The following COL19A1 variants were observed in gnomAD, a reference collection of about 807,000 sequenced individuals.
COL19A1 encodes the protein collagen alpha-1(XIX) chain.
In COL19A1, 159 loss-of-function variants were observed where a neutral mutation model predicts 190.2. The ratio of observed to expected loss-of-function variants is 0.84; its 90% CI spans 0.73 to 0.95. The LOEUF is 0.95. COL19A1 is among the 40% of genes least tolerant of loss of function. COL19A1 has a pLI of 0.00. For synonymous variants in COL19A1, 509 were observed against 458.9 expected, an observed-to-expected ratio of 1.11 and a Z score of -1.39; for missense variants, 1,418 against 1,431.9, an observed-to-expected ratio of 0.99 and a Z score of 0.16.
At chr6:69,912,540 G>A (rs1171453440) in intron 4 of COL19A1, among the ~76,000 whole-genome samples, 1 of 152,184 alleles carries the variant, frequency 6.6e-6, no homozygotes, top group Non-Finnish European at 1.5e-5. Flanking sequence ...CCATGCAAAT[G>A]CTACTCTGTG....
At chr6:69,996,008 A>C (rs1776882790) in intron 11 of COL19A1, among the ~76,000 whole-genome samples, 1 of 152,084 alleles carries the variant, frequency 6.6e-6, no homozygotes, top group Non-Finnish European at 1.5e-5. Flanking sequence ...GAGATCAGCT[A>C]TTCAAAAAGC....
intron 46 of COL19A1, among the ~76,000 whole-genome samples, chr6:70,186,973 G>A (rs959777154): frequency 3.3e-5 from 5 of 152,180 alleles, no homozygotes; most frequent in African/African-American, 1.2e-4. Context: ...CGCCTCCCGG[G>A]TTCAAGCGAT....
intron 7 of COL19A1, 141 bp from the exon 8 acceptor site, chr6:69,936,644 A>G (rs569343391): frequency 9.8e-7 from 1 of 1,016,600 alleles, no homozygotes; most frequent in South Asian, 1.7e-5. Context: ...AAACATTCTC[A>G]CACTGGTGTT....
chr6:70,161,213 G>A (rs1467337741), intron 34 of COL19A1, among the ~76,000 whole-genome samples: 1 of 152,090 alleles, frequency 6.6e-6, no homozygotes. Flanking sequence ...AAACTGACAA[G>A]CTAAAATAAA....
At chr6:69,912,526 C>T (rs994303906) in intron 4 of COL19A1, among the ~76,000 whole-genome samples, 2 of 152,148 alleles carry the variant, frequency 1.3e-5, no homozygotes, top group South Asian at 2.1e-4. Context: ...GCTGGGAGCT[C>T]TCTCCATGCA....
At chr6:69,868,406 T>C (rs1308486592) in intron 1 of COL19A1, among the ~76,000 whole-genome samples, 1 of 151,988 alleles carries the variant, frequency 6.6e-6, no homozygotes, top group Non-Finnish European at 1.5e-5. Flanking sequence ...GGTTTTTGTG[T>C]AGGAATATCT....
In COL19A1 at chr6:70,140,975, G is replaced by C. The variant is rs1226347074; in HGVS notation, c.1468G>C (p.Glu490Gln). 1 of 1,609,468 alleles carries C rather than the reference G, an allele frequency of 6.2e-7. No individual in the cohort carries two copies. Among genetic ancestry groups the C allele is most frequent in the Non-Finnish European group, 8.5e-7 (1 of 1,176,914 alleles). The change falls in exon 20 of 51, where the codon GAA (glutamate) becomes CAA (glutamine). Residue 490 changes from glutamate (E) to glutamine (Q), a missense_variant. Coordinates refer to ENST00000620364, the MANE Select transcript of COL19A1 (RefSeq NM_001858.6). ...TTAGGGAGAGCCTTTTACAAAAGGA[G>C]AAAAAGGAGATAGAGTAAGTAGATA... ...GEPGEPFTKG[E>Q]KGDRGEPGVI...
intron 9 of COL19A1, among the ~76,000 whole-genome samples, chr6:69,948,922 TGA>T (rs1337920872): frequency 6.6e-6 from 1 of 151,862 alleles, no homozygotes; most frequent in Non-Finnish European, 1.5e-5. Context: ...AAATGGTGAC[TGA>T]GAGAGTCTTG....
At chr6:70,113,842 C>CTTTTTTTT (rs34876942) in intron 16 of COL19A1, among the ~76,000 whole-genome samples, 9 of 64,150 alleles carry the variant, frequency 1.4e-4, no homozygotes, top group Non-Finnish European at 1.6e-4. Flanking sequence ...CCAAGTCTTT[C>CTTTTTTTT]TTTTTTTTTT....
chr6:69,911,388 T>G (rs564076029), intron 4 of COL19A1, among the ~76,000 whole-genome samples: 13 of 152,276 alleles, frequency 8.5e-5, no homozygotes, highest in African/African-American at 3.1e-4. Flanking sequence ...AAGACACTTT[T>G]TTTTCCCCCA....
chr6:70,180,246 A>T, intron 42 of COL19A1, 66 bp from the exon 43 acceptor site: 1 of 1,576,910 alleles, frequency 6.3e-7, no homozygotes, highest in Middle Eastern at 1.7e-4. Context: ...GGGTTGGGGG[A>T]AGAGAAGCAT....
rs36112821 is a variant in COL19A1 at position 70,207,364 on chromosome 6, CTT to C, written c.*112_*113del. 12,543 of 176,624 alleles carry C rather than the reference CTT, an allele frequency of 0.071. 166 individuals are homozygous for C. The highest frequency in any genetic ancestry group is 0.14 in the African/African-American group (3,442 of 24,594). The allele number at this position is 176,624 out of a possible 1,614,324, so 10.9% of individuals were successfully genotyped here. On this transcript the variant is annotated 3_prime_UTR_variant, in exon 51 of 51. Coordinates refer to ENST00000620364, the MANE Select transcript of COL19A1 (RefSeq NM_001858.6). Reference sequence around the variant, plus strand: ...TCAAACCCTCATCATCTGTGGGTTGCTTTTTTTTTTTTTTTTTTTTTTTGGGA... The same window carrying C: ...TCAAACCCTCATCATCTGTGGGTTGCTTTTTTTTTTTTTTTTTTTTTGGGA...
Position 69,969,070 on chromosome 6 carries a change from A to T in COL19A1, c.1026+6200A>T, listed in dbSNP as rs557919743. Among the ~76,000 whole-genome samples, 107 of 152,326 alleles carry T rather than the reference A, an allele frequency of 7.0e-4. 4 individuals are homozygous for T. The South Asian group carries it at 0.022, about 32-fold the overall frequency. On this transcript the variant is annotated intron_variant, in intron 11 of 50. Transcript: ENST00000620364. ...CATAGTTTCCTCTTTTATAAAATAA[A>T]GTTAATTACTACCTCACAGAATGAC... is the stretch of plus-strand genomic sequence containing the variant.
chr6:70,094,351 A>G (rs1407584458), intron 15 of COL19A1, among the ~76,000 whole-genome samples: 3 of 152,162 alleles, frequency 2.0e-5, no homozygotes, highest in Non-Finnish European at 2.9e-5. Context: ...CTCTTTCCTA[A>G]CATTTCCTTA....
At chr6:70,122,751 G>A (rs1252523490) in intron 17 of COL19A1, among the ~76,000 whole-genome samples, 3 of 151,910 alleles carry the variant, frequency 2.0e-5, no homozygotes, top group African/African-American at 7.3e-5. Context: ...TCTGACAGCT[G>A]TTACTCCTCT....
At chr6:69,944,433 G>A (rs773485442) in intron 9 of COL19A1, among the ~76,000 whole-genome samples, 7 of 152,108 alleles carry the variant, frequency 4.6e-5, no homozygotes, top group Non-Finnish European at 1.0e-4. Flanking sequence ...TCTAGAAACT[G>A]TAAGTTCTCC....
chr6:70,141,016 G>A (rs1409137060), intron 20 of COL19A1, 27 bp downstream of exon 20: 2 of 1,591,296 alleles, frequency 1.3e-6, no homozygotes, highest in Non-Finnish European at 1.7e-6. Flanking sequence ...TCACTACCTT[G>A]GGTTTTCTAC....
intron 49 of COL19A1, among the ~76,000 whole-genome samples, chr6:70,203,639 G>T (rs1262233189): frequency 6.6e-6 from 1 of 151,808 alleles, no homozygotes; most frequent in African/African-American, 2.4e-5. Flanking sequence ...CCTTTTTCCG[G>T]TATGTATACA....
chr6:70,204,423 T>G (rs891401769), intron 49 of COL19A1, among the ~76,000 whole-genome samples: 1 of 152,194 alleles, frequency 6.6e-6, no homozygotes, highest in Non-Finnish European at 1.5e-5. Context: ...GAGTAGAAAG[T>G]ACTTGTGCAA....
Sources: allele counts gnomAD v4.1 joint callset (sites outside exome capture counted in the v4.1 genomes callset), GRCh38; gene constraint gnomAD v4.1.1; transcripts MANE v1.5; gene names NCBI Gene and HGNC (gene_info 2026-07-23, HGNC 2026-07-21).